Variants in ZNF83 observed in about 807,000 individuals in gnomAD.
The protein encoded by ZNF83 is zinc finger protein 83, also known as zinc finger protein 816B.
For missense variants in ZNF83, 552 were observed against 629.9 expected (o/e 0.88, Z 1.32); for synonymous variants, 209 against 213.0 (o/e 0.98, Z 0.17).
intron 1 of ZNF83, among the ~76,000 whole-genome samples, chr19:52,661,138 C>A (rs2061574571): frequency 6.6e-6 from 1 of 152,116 alleles, no homozygotes; most frequent in South Asian, 2.1e-4. Flanking sequence ...GCTATGATTA[C>A]AGGGGTAAAC....
At chr19:52,670,404 T>G (rs2147309257) in intron 1 of ZNF83, among the ~76,000 whole-genome samples, 1 of 152,284 alleles carries the variant, frequency 6.6e-6, no homozygotes, top group Middle Eastern at 3.4e-3. Context: ...AAATAACCCC[T>G]TCCCCTCCCT....
At chr19:52,632,018 A>G (rs1446721727) in intron 2 of ZNF83, among the ~76,000 whole-genome samples, 2 of 152,158 alleles carry the variant, frequency 1.3e-5, no homozygotes, top group Non-Finnish European at 2.9e-5. Context: ...ACGTGCCCTG[A>G]GTCAGGAACT....
At chr19:52,646,072 T>C in intron 3 of ZNF83, among the ~76,000 whole-genome samples, 1 of 152,000 alleles carries the variant, frequency 6.6e-6, no homozygotes, top group South Asian at 2.1e-4. Flanking sequence ...CTTGAGTAGC[T>C]GTGACTACAG....
intron 1 of ZNF83, among the ~76,000 whole-genome samples, chr19:52,674,716 GAGA>G (rs906326738): frequency 5.9e-5 from 9 of 152,140 alleles, no homozygotes; most frequent in African/African-American, 1.9e-4. Flanking sequence ...GTAAAAATGC[GAGA>G]AGTTTCTACC....
intron 3 of ZNF83, chr19:52,652,552 C>T (rs1409747473): frequency 9.1e-6 from 4 of 439,818 alleles, no homozygotes; most frequent in Non-Finnish European, 1.8e-5. Flanking sequence ...GCAATCATGA[C>T]ATTTGTAACG....
chr19:52,647,905 C>T (rs1157909213), intron 3 of ZNF83, among the ~76,000 whole-genome samples: 4 of 151,552 alleles, frequency 2.6e-5, no homozygotes, highest in African/African-American at 9.7e-5. Flanking sequence ...CTGTTATACC[C>T]CTCTGTACCC....
chr19:52,629,272 A>G (rs1048523008), intron 2 of ZNF83, among the ~76,000 whole-genome samples: 4 of 152,154 alleles, frequency 2.6e-5, no homozygotes, highest in African/African-American at 4.8e-5. Flanking sequence ...GGTGCCTGAC[A>G]TCCAGGCATT....
At chr19:52,686,304 C>G (rs1360632542) in intron 1 of ZNF83, among the ~76,000 whole-genome samples, 3 of 151,846 alleles carry the variant, frequency 2.0e-5, no homozygotes, top group African/African-American at 4.8e-5. Context: ...ACTCTGAGGT[C>G]AACGGGAACT....
At chr19:52,687,181 CAAA>C (rs755729915) in intron 1 of ZNF83, among the ~76,000 whole-genome samples, 2 of 104,336 alleles carry the variant, frequency 1.9e-5, no homozygotes, top group Non-Finnish European at 2.0e-5. Flanking sequence ...AACTCCATCT[CAAA>C]AAAAAAAAAA....
At chr19:52,673,262 T>C (rs8107623) in intron 1 of ZNF83, among the ~76,000 whole-genome samples, 62,742 of 152,002 alleles carry the variant, frequency 0.41, 13,308 homozygotes, top group Non-Finnish European at 0.45. Context: ...TCCCAGCACT[T>C]TGGGAGCCAA....
chr19:52,676,942 A>G (rs2061821988), intron 1 of ZNF83, among the ~76,000 whole-genome samples: 1 of 141,226 alleles, frequency 7.1e-6, no homozygotes, highest in Non-Finnish European at 1.5e-5. Flanking sequence ...GCTCCTTAAG[A>G]GTCATCACCA....
chr19:52,625,260 T>C (rs2060696818), intron 2 of ZNF83, among the ~76,000 whole-genome samples: 2 of 152,170 alleles, frequency 1.3e-5, no homozygotes, highest in South Asian at 4.1e-4. Context: ...ACATCAATAT[T>C]TATACTGACT....
Position 52,660,550 on chromosome 19 carries a change from G to A in ZNF83, c.-201+212C>T, listed in dbSNP as rs1253747675. Among the ~76,000 whole-genome samples the A allele has an allele frequency of 2.0e-5, 3 of 151,994 alleles. No homozygotes were observed. In the South Asian group the frequency reaches 6.2e-4, roughly 32 times the overall value. On this transcript the variant is annotated intron_variant, in intron 2 of 5. Coordinates refer to the ZNF83 transcript ENST00000594682. ...TGAGAATCTCTTGACCCTGGGAGGTGGAGGTTACAGTGATCCCAGATTGCT... is the reference window on the plus strand; with the variant it reads ...TGAGAATCTCTTGACCCTGGGAGGTAGAGGTTACAGTGATCCCAGATTGCT...
intron 1 of ZNF83, chr19:52,636,302 C>A (rs1600206844): frequency 1.3e-5 from 2 of 152,004 alleles, no homozygotes; most frequent in Non-Finnish European, 1.5e-5. Context: ...ATTGGCCAGA[C>A]CCTGTCTCTT....
intron 1 of ZNF83, among the ~76,000 whole-genome samples, chr19:52,678,492 A>T (rs1258504587): frequency 2.0e-5 from 3 of 151,736 alleles, no homozygotes; most frequent in Non-Finnish European, 4.4e-5. Flanking sequence ...CTGGAGGGTA[A>T]ATCTTGTTTC....
chr19:52,679,544 G>A (rs1862160153), intron 1 of ZNF83, among the ~76,000 whole-genome samples: 1 of 152,192 alleles, frequency 6.6e-6, no homozygotes, highest in Admixed American at 6.5e-5. Context: ...CCAGAAGGTG[G>A]AGGTTGCAAT....
chr19:52,675,951 G>A (rs2061795653), intron 1 of ZNF83, among the ~76,000 whole-genome samples: 2 of 152,182 alleles, frequency 1.3e-5, no homozygotes, highest in South Asian at 4.1e-4. Context: ...CACCACTTTG[G>A]GAGGCCGATG....
chr19:52,670,401 C>T (rs1335232932), intron 1 of ZNF83, among the ~76,000 whole-genome samples: 1 of 152,168 alleles, frequency 6.6e-6, no homozygotes, highest in Non-Finnish European at 1.5e-5. Flanking sequence ...CAGAAATAAC[C>T]CCTTCCCCTC....
At chr19:52,634,294 T>TA (rs1328691154) in intron 2 of ZNF83, among the ~76,000 whole-genome samples, 1 of 151,972 alleles carries the variant, frequency 6.6e-6, no homozygotes, top group Non-Finnish European at 1.5e-5. Context: ...ATAATAATAA[T>TA]AATAATAATA....
Sources: gnomAD v4.1 joint callset for allele counts (sites outside exome capture counted in the v4.1 genomes callset) on GRCh38, gnomAD v4.1.1 for gene constraint, MANE v1.5 for transcripts, NCBI Gene and HGNC (gene_info 2026-07-23, HGNC 2026-07-21) for gene names.